The following ZFYVE1 variants were observed in gnomAD, a reference collection of about 807,000 sequenced individuals.
The protein encoded by ZFYVE1 is zinc finger FYVE domain-containing protein 1.
ZFYVE1 carries 30 observed loss-of-function variants against 74.4 expected under a neutral mutation model. The ratio of observed to expected loss-of-function variants is 0.40; its 90% CI spans 0.30 to 0.55. The LOEUF is 0.55. ZFYVE1 is among the 20% of genes least tolerant of loss of function. ZFYVE1 has a pLI of 0.42. For missense variants in ZFYVE1, 703 were observed against 1,011.6 expected (o/e 0.69, Z 4.14); for synonymous variants, 335 against 385.1 (o/e 0.87, Z 1.52).
intron 5 of ZFYVE1, 103 bp downstream of exon 5, chr14:72,981,686 A>G: frequency 3.8e-6 from 4 of 1,064,506 alleles, no homozygotes; most frequent in Non-Finnish European, 5.7e-6. Flanking sequence ...GTAATTTAGC[A>G]AGATCCCAGG....
intron 2 of ZFYVE1, 124 bp downstream of exon 2, chr14:73,023,902 T>C (rs1183713191): frequency 7.3e-7 from 1 of 1,370,578 alleles, no homozygotes; most frequent in African/African-American, 1.4e-5. Context: ...AACTAAAGCC[T>C]CCAGAGGTCT....
chr14:72,987,097 GGC>G, intron 4 of ZFYVE1: 1 of 343,966 alleles, frequency 2.9e-6, no homozygotes, highest in Non-Finnish European at 4.1e-6. Context: ...CTATAGGGCT[GGC>G]CCCAGTCATC....
chr14:73,006,449 C>A (rs566925014), intron 2 of ZFYVE1, among the ~76,000 whole-genome samples: 3 of 151,736 alleles, frequency 2.0e-5, no homozygotes, highest in African/African-American at 7.2e-5. Flanking sequence ...GTGGCACATG[C>A]CTGTAATCCC....
Position 72,992,201 on chromosome 14 carries a change from G to T in ZFYVE1, c.1203+942C>A, listed in dbSNP as rs1169196732. 2.0e-5 allele frequency among the ~76,000 whole-genome samples: 3 copies of T among 152,020 alleles called. No homozygotes were observed. The East Asian group carries it at 5.8e-4, about 29-fold the overall frequency. Reference sequence around the variant, plus strand: ...TGGAATTACAGGCGTGAGCCACCACGCCTGGCTGTAAATCTCCCTCTTAAA... The same window carrying T: ...TGGAATTACAGGCGTGAGCCACCACTCCTGGCTGTAAATCTCCCTCTTAAA... On this transcript the variant is annotated intron_variant, in intron 4 of 11. Transcript: ENST00000556143.
At chr14:73,022,702 C>G (rs1282778329) in intron 2 of ZFYVE1, among the ~76,000 whole-genome samples, 1 of 152,158 alleles carries the variant, frequency 6.6e-6, no homozygotes. Context: ...AAAGTATAGA[C>G]ATTACACTAC....
At chr14:72,992,296 G>A (rs1893631674) in intron 4 of ZFYVE1, among the ~76,000 whole-genome samples, 1 of 152,120 alleles carries the variant, frequency 6.6e-6, no homozygotes, top group South Asian at 2.1e-4. Context: ...AATAATAGGC[G>A]ATTTTATTTG....
chr14:73,023,063 A>C (rs1358104993), intron 2 of ZFYVE1, among the ~76,000 whole-genome samples: 1 of 150,906 alleles, frequency 6.6e-6, no homozygotes, highest in Non-Finnish European at 1.5e-5. Flanking sequence ...TGGGAGGCTG[A>C]GGCAGGAAAA....
chr14:72,974,808 TTG>T lies in ZFYVE1; in HGVS notation c.1956_1957del (p.Asp652GlufsTer20), dbSNP rs1567343934. On this transcript the variant is annotated frameshift_variant, in exon 10 of 12. Coordinates refer to ENST00000556143, the MANE Select transcript of ZFYVE1 (RefSeq NM_021260.4). LOFTEE classifies it high-confidence loss of function. ...CTGGACGTTCCTGGCTTCGTAGCAG[TTG>T]TCACAGACCCGCACTGGCGCAGGGC... 1 of 1,605,324 alleles carries T rather than the reference TTG, an allele frequency of 6.2e-7. No homozygotes were observed. The highest frequency in any genetic ancestry group is 8.5e-7 in the Non-Finnish European group (1 of 1,173,204).
rs779665501 is a variant in ZFYVE1 at position 73,024,639 on chromosome 14, C to A, written c.-131G>T. The A allele has an allele frequency of 7.8e-7, 1 of 1,276,432 alleles. No individual in the cohort carries two copies. Among genetic ancestry groups the A allele is most frequent in the Non-Finnish European group, 1.0e-6 (1 of 955,508 alleles). The allele number at this position is 1,276,432 out of a possible 1,614,324, so 79.1% of individuals were successfully genotyped here. A position where few individuals can be genotyped will look rare whatever the true frequency, so the allele number is the denominator to read the frequency against. On this transcript the variant is annotated 5_prime_UTR_variant, in exon 2 of 12. Coordinates refer to ENST00000556143, the MANE Select transcript of ZFYVE1 (RefSeq NM_021260.4). Reference sequence around the variant, plus strand: ...GTTCTGAACACTTTAAAAAAGAACACCTTTCATGTCCTGTTATAGTTCTTC... The same window carrying A: ...GTTCTGAACACTTTAAAAAAGAACAACTTTCATGTCCTGTTATAGTTCTTC...
intron 4 of ZFYVE1, among the ~76,000 whole-genome samples, chr14:72,991,423 TC>T (rs957165790): frequency 1.4e-4 from 21 of 152,196 alleles, no homozygotes; most frequent in African/African-American, 5.1e-4. Context: ...TCTCCTGACC[TC>T]GTGATCCGCC....
chr14:73,011,953 C>T (rs1439300417), intron 2 of ZFYVE1, among the ~76,000 whole-genome samples: 3 of 151,684 alleles, frequency 2.0e-5, no homozygotes, highest in Non-Finnish European at 2.9e-5. Context: ...TGGTGGCTCA[C>T]GCCTGTAATC....
intron 2 of ZFYVE1, among the ~76,000 whole-genome samples, chr14:73,011,655 G>A (rs1415607680): frequency 2.6e-5 from 4 of 151,154 alleles, no homozygotes; most frequent in African/African-American, 9.7e-5. Flanking sequence ...ATGTAGCTGG[G>A]ATTACAGGCG....
Position 72,993,179 on chromosome 14 carries a change from A to G in ZFYVE1, c.1167T>C (p.Ser389=), listed in dbSNP as rs932288552. Reference sequence around the variant, plus strand: ...TGAAGATGACTCCCGGGTGCCGGGGAGAACGGGTGGTGTTATTCTCTAGTA... The same window carrying G: ...TGAAGATGACTCCCGGGTGCCGGGGGGAACGGGTGGTGTTATTCTCTAGTA... The part of the protein sequence containing the change: ...EQLLENNTTR[S]PRHPGVIFKA... The change falls in exon 4 of 12, where the codon TCT becomes TCC. Residue 389 remains serine, a synonymous_variant. Transcript: ENST00000556143. 1 of 1,612,492 alleles carries G rather than the reference A, an allele frequency of 6.2e-7. No individual in the cohort carries two copies. Among genetic ancestry groups the G allele is most frequent in the Non-Finnish European group, 8.5e-7 (1 of 1,179,176 alleles).
intron 11 of ZFYVE1, among the ~76,000 whole-genome samples, chr14:72,973,648 A>G (rs1055328877): frequency 8.5e-5 from 13 of 152,196 alleles, no homozygotes; most frequent in African/African-American, 2.2e-4. Flanking sequence ...AGGCTCTGCT[A>G]CACACAGCCT....
At chr14:72,991,253 C>G (rs1893605046) in intron 4 of ZFYVE1, among the ~76,000 whole-genome samples, 1 of 145,908 alleles carries the variant, frequency 6.9e-6, no homozygotes, top group East Asian at 2.1e-4. Context: ...GCAGTGGCGC[C>G]ATCTCGGCTC....
At chr14:73,010,034 A>G (rs1894055896) in intron 2 of ZFYVE1, among the ~76,000 whole-genome samples, 1 of 152,124 alleles carries the variant, frequency 6.6e-6, no homozygotes, top group Admixed American at 6.6e-5. Flanking sequence ...TTGAGTTATG[A>G]TGGTGCCACT....
chr14:72,999,198 G>A (rs1284131944), intron 2 of ZFYVE1, among the ~76,000 whole-genome samples: 2 of 152,054 alleles, frequency 1.3e-5, no homozygotes, highest in Non-Finnish European at 2.9e-5. Flanking sequence ...TGAGGCCAAG[G>A]CAGGCAGATC....
intron 2 of ZFYVE1, among the ~76,000 whole-genome samples, chr14:73,013,729 G>A (rs1894136850): frequency 6.6e-6 from 1 of 152,042 alleles, no homozygotes; most frequent in Admixed American, 6.6e-5. Flanking sequence ...AACTCCCCTT[G>A]CCTGAAACTT....
intron 2 of ZFYVE1, among the ~76,000 whole-genome samples, chr14:73,014,925 C>G (rs1452195317): frequency 6.6e-6 from 1 of 152,058 alleles, no homozygotes. Flanking sequence ...CCAGTACACC[C>G]AGTTTGTGGT....
Sources: allele counts gnomAD v4.1 joint callset (sites outside exome capture counted in the v4.1 genomes callset), GRCh38; gene constraint gnomAD v4.1.1; transcripts MANE v1.5; gene names NCBI Gene and HGNC (gene_info 2026-07-23, HGNC 2026-07-21).